The following DENND1A variants were observed in gnomAD, a reference collection of about 807,000 sequenced individuals.
The protein encoded by DENND1A is DENN domain containing 1A.
In DENND1A, 51 loss-of-function variants were observed where a neutral mutation model predicts 113.7. That is an observed-to-expected ratio of 0.45 (90% CI 0.36 to 0.57). DENND1A has a LOEUF of 0.57. Among genes scored for constraint, DENND1A ranks in the 20% least tolerant of loss-of-function variants. The pLI, the probability that DENND1A is intolerant of heterozygous loss-of-function variation, is 0.00. For synonymous variants in DENND1A, 565 were observed against 570.8 expected (o/e 0.99, Z 0.14); for missense variants, 1,258 against 1,395.9 (o/e 0.90, Z 1.57).
intron 19 of DENND1A, chr9:123,413,773 CCAT>C: frequency 1.0e-6 from 1 of 985,430 alleles, no homozygotes; most frequent in Non-Finnish European, 1.2e-6. Flanking sequence ...GGCAAGGCCA[CCAT>C]GTTTTTTCCC....
Position 123,380,123 on chromosome 9 carries a change from CTGGGTAGACTGT to C in DENND1A, c.*1297_*1308del. ...AGACCCCCTTGTCCCCCAGACACCC[CTGGGTAGACTGT>C]GTCTGACCCTTCACAAATAGGAAAT... On this transcript the variant is annotated 3_prime_UTR_variant, in exon 24 of 24. Coordinates refer to ENST00000394215, the MANE Select transcript of DENND1A (RefSeq NM_001352964.2). 6.6e-6 allele frequency: 1 copy of C among 152,376 alleles called. No individual in the cohort carries two copies. The highest frequency in any genetic ancestry group is 2.1e-4 in the South Asian group (1 of 4,824). 9.4% of individuals were successfully genotyped at this position (152,376 alleles called of 1,614,324 possible). A position where few individuals can be genotyped will look rare whatever the true frequency, so the allele number is the denominator to read the frequency against.
chr9:123,808,312 A>G (rs936612235), intron 2 of DENND1A, among the ~76,000 whole-genome samples: 1 of 152,082 alleles, frequency 6.6e-6, no homozygotes, highest in Non-Finnish European at 1.5e-5. Context: ...AGCCTTTAGC[A>G]TGCATCAAAG....
intron 5 of DENND1A, among the ~76,000 whole-genome samples, chr9:123,748,298 T>C (rs2069701588): frequency 1.3e-5 from 2 of 152,158 alleles, no homozygotes; most frequent in South Asian, 4.1e-4. Flanking sequence ...GGATGAGAGA[T>C]TTCTTTTCTT....
chr9:123,607,547 A>T (rs13291938), intron 11 of DENND1A, among the ~76,000 whole-genome samples: 2,276 of 67,710 alleles, frequency 0.034, 27 homozygotes, highest in African/African-American at 0.039. Flanking sequence ...AGAGAGAGAG[A>T]GTGTGTGTGT....
intron 19 of DENND1A, 65 bp downstream of exon 19, chr9:123,440,295 A>T: frequency 6.6e-7 from 1 of 1,519,198 alleles, no homozygotes; most frequent in Non-Finnish European, 8.8e-7. Flanking sequence ...TGCATGTGCT[A>T]CTGCTGCTAA....
intron 21 of DENND1A, among the ~76,000 whole-genome samples, chr9:123,394,655 G>A (rs1201234067): frequency 1.3e-5 from 2 of 152,212 alleles, no homozygotes; most frequent in African/African-American, 2.4e-5. Flanking sequence ...CCATACCCGT[G>A]CCCCAGCATG....
intron 2 of DENND1A, among the ~76,000 whole-genome samples, chr9:123,796,630 T>C (rs531041594): frequency 1.7e-4 from 26 of 152,276 alleles, no homozygotes; most frequent in African/African-American, 5.8e-4. Context: ...GAGTTCTGCC[T>C]TAGGCTTAAA....
chr9:123,609,375 C>T (rs1325979777), intron 11 of DENND1A, 61 bp downstream of exon 11: 29 of 1,573,884 alleles, frequency 1.8e-5, no homozygotes, highest in South Asian at 1.1e-4. Context: ...GTCTCTCCAC[C>T]GCCACACAAT....
chr9:123,672,804 T>A (rs1017358458), intron 6 of DENND1A, among the ~76,000 whole-genome samples: 1 of 152,232 alleles, frequency 6.6e-6, no homozygotes, highest in East Asian at 1.9e-4. Flanking sequence ...ATCTTTTTTC[T>A]TTATAAATTA....
At position 123,447,605 on chromosome 9, in the gene DENND1A, C is replaced by T. The variant is rs1345125447; in HGVS notation, c.1356+3088G>A. ...TTCTTGATTATATCTGCAAGGTCAC[C>T]ATTGCTATGCAGAGTTAGAGGAGGC... On this transcript the variant is annotated intron_variant, in intron 18 of 23. Transcript: ENST00000394215. 2.6e-5 allele frequency among the ~76,000 whole-genome samples: 4 copies of T among 152,118 alleles called. No individual in the cohort carries two copies. The East Asian group carries it at 7.7e-4, about 29-fold the overall frequency.
chr9:123,716,873 C>A (rs1221619493), intron 5 of DENND1A, among the ~76,000 whole-genome samples: 1 of 152,084 alleles, frequency 6.6e-6, no homozygotes, highest in East Asian at 1.9e-4. Context: ...TTAAACTCCT[C>A]AATAAACAAT....
intron 13 of DENND1A, among the ~76,000 whole-genome samples, chr9:123,495,738 T>C (rs1458519924): frequency 6.6e-6 from 1 of 152,166 alleles, no homozygotes; most frequent in Non-Finnish European, 1.5e-5. Flanking sequence ...TTCTTCTAAC[T>C]CCCCACACTA....
intron 2 of DENND1A, among the ~76,000 whole-genome samples, chr9:123,836,176 G>A (rs1007654913): frequency 6.6e-6 from 1 of 152,150 alleles, no homozygotes. Context: ...ACAGTAGGGT[G>A]CTATCTGTTG....
At chr9:123,739,278 G>C (rs187267063) in intron 5 of DENND1A, among the ~76,000 whole-genome samples, 1 of 152,034 alleles carries the variant, frequency 6.6e-6, no homozygotes, top group Non-Finnish European at 1.5e-5. Context: ...ATAAGGCCTC[G>C]CACAAAAAGT....
chr9:123,882,882 C>T (rs993938918), intron 1 of DENND1A, among the ~76,000 whole-genome samples: 2 of 152,290 alleles, frequency 1.3e-5, no homozygotes, highest in East Asian at 1.9e-4. Context: ...AAATTTACCA[C>T]AATTTAAACA....
intron 13 of DENND1A, among the ~76,000 whole-genome samples, chr9:123,523,326 G>A (rs183910195): frequency 3.3e-4 from 50 of 152,272 alleles, no homozygotes; most frequent in Non-Finnish European, 6.5e-4. Flanking sequence ...ATCTTGTGGA[G>A]GCCTGCCCCA....
intron 21 of DENND1A, among the ~76,000 whole-genome samples, chr9:123,391,761 GAAAAAA>G (rs5900572): frequency 9.1e-6 from 1 of 110,402 alleles, no homozygotes; most frequent in Non-Finnish European, 1.8e-5. Flanking sequence ...GGCAGAATAT[GAAAAAA>G]AAAAAAAAAA....
chr9:123,840,554 T>C (rs1378188997), intron 2 of DENND1A, among the ~76,000 whole-genome samples: 1 of 152,202 alleles, frequency 6.6e-6, no homozygotes, highest in Admixed American at 6.5e-5. Context: ...AAGTAAAATG[T>C]ATAGCAGAAT....
At chr9:123,757,367 A>G (rs972508975) in intron 5 of DENND1A, among the ~76,000 whole-genome samples, 1 of 152,188 alleles carries the variant, frequency 6.6e-6, no homozygotes, top group Non-Finnish European at 1.5e-5. Flanking sequence ...CATACACAAA[A>G]TGTCCAAGAG....
Sources: gnomAD v4.1 joint callset for allele counts (sites outside exome capture counted in the v4.1 genomes callset) on GRCh38, gnomAD v4.1.1 for gene constraint, MANE v1.5 for transcripts, NCBI Gene and HGNC (gene_info 2026-07-23, HGNC 2026-07-21) for gene names.